SYNPR: variants seen among roughly 807,000 people sequenced by gnomAD.
SYNPR encodes the protein synaptoporin.
SYNPR carries 23 observed loss-of-function variants against 32.9 expected under a neutral mutation model. That is an observed-to-expected ratio of 0.70 (90% CI 0.50 to 0.99). The LOEUF (loss-of-function observed/expected upper bound fraction) is 0.99, where lower values mean the gene tolerates loss of function less well. SYNPR is among the 50% of genes least tolerant of loss of function. SYNPR has a pLI of 0.00. For synonymous variants in SYNPR, 146 were observed against 135.9 expected, an observed-to-expected ratio of 1.07 and a Z score of -0.52; for missense variants, 318 against 349.3, an observed-to-expected ratio of 0.91 and a Z score of 0.71.
At chr3:63,538,083 G>A (rs773088874) in intron 3 of SYNPR, among the ~76,000 whole-genome samples, 1 of 152,002 alleles carries the variant, frequency 6.6e-6, no homozygotes, top group Non-Finnish European at 1.5e-5. Flanking sequence ...AGCACACTGT[G>A]GTTTGAAACA....
chr3:63,418,619 G>A (rs1021815731), intron 2 of SYNPR, among the ~76,000 whole-genome samples: 15 of 152,142 alleles, frequency 9.9e-5, no homozygotes, highest in African/African-American at 2.9e-4. Flanking sequence ...TGGGGAGGCC[G>A]CACAACTATG....
At chr3:63,588,610 G>A (rs1205279706) in intron 4 of SYNPR, among the ~76,000 whole-genome samples, 1 of 151,962 alleles carries the variant, frequency 6.6e-6, no homozygotes, top group Admixed American at 6.6e-5. Flanking sequence ...ATTCACTTTT[G>A]ACTAACTATA....
intron 1 of SYNPR, among the ~76,000 whole-genome samples, chr3:63,242,343 G>C (rs955556765): frequency 1.3e-5 from 2 of 151,928 alleles, no homozygotes; most frequent in Admixed American, 6.6e-5. Flanking sequence ...ATTTATACAG[G>C]GAACTAGAGC....
chr3:63,333,774 A>C (rs1173328668), intron 2 of SYNPR, among the ~76,000 whole-genome samples: 3 of 152,160 alleles, frequency 2.0e-5, no homozygotes, highest in Non-Finnish European at 4.4e-5. Flanking sequence ...CACCAGTCCA[A>C]AGAGTTTTAA....
In SYNPR at chr3:63,518,768, A is replaced by G. The variant is rs115115615; in HGVS notation, c.210-37775A>G. Among the ~76,000 whole-genome samples, 1,119 of 152,252 alleles carry G rather than the reference A, an allele frequency of 7.3e-3. 12 individuals are homozygous for G. The highest frequency in any genetic ancestry group is 0.026 in the African/African-American group (1,079 of 41,546). On this transcript the variant is annotated intron_variant, in intron 3 of 5. Transcript: ENST00000478300. ...TGGAGAAGGAATTATTATTATTATTACCATCAGATAGTGAAATTCAGGGGG... is the reference window on the plus strand; with the variant it reads ...TGGAGAAGGAATTATTATTATTATTGCCATCAGATAGTGAAATTCAGGGGG...
intron 5 of SYNPR, among the ~76,000 whole-genome samples, chr3:63,610,988 T>C (rs1700189039): frequency 6.6e-6 from 1 of 152,242 alleles, no homozygotes; most frequent in African/African-American, 2.4e-5. Context: ...TGTATCCATA[T>C]CAGTTAACAG....
intron 2 of SYNPR, among the ~76,000 whole-genome samples, chr3:63,365,698 T>C (rs138648000): frequency 1.3e-5 from 2 of 152,210 alleles, no homozygotes; most frequent in South Asian, 4.1e-4. Context: ...AAAAGAATGT[T>C]ATCCAGGGCA....
chr3:63,418,352 T>G (rs887716869), intron 2 of SYNPR, among the ~76,000 whole-genome samples: 2 of 152,204 alleles, frequency 1.3e-5, no homozygotes, highest in African/African-American at 4.8e-5. Context: ...TCAAAGCCAT[T>G]CAACAAGTCT....
intron 2 of SYNPR, among the ~76,000 whole-genome samples, chr3:63,265,992 A>G (rs2086482674): frequency 6.6e-6 from 1 of 152,212 alleles, no homozygotes; most frequent in African/African-American, 2.4e-5. Context: ...GAAGAGTATT[A>G]AACATCATCT....
intron 4 of SYNPR, among the ~76,000 whole-genome samples, chr3:63,595,718 TATATATATATATATATATATATATATATA>T (rs1699923181): frequency 1.2e-4 from 1 of 8,058 alleles, no homozygotes; most frequent in African/African-American, 1.6e-4. Context: ...AATCTTATTT[TATATATATATATATATATATATATATATA>T]TATATATATA....
chr3:63,483,811 T>C (rs771311978), intron 3 of SYNPR, among the ~76,000 whole-genome samples: 1 of 152,124 alleles, frequency 6.6e-6, no homozygotes. Flanking sequence ...AAGTAGGAGA[T>C]TATAAAAGCA....
At chr3:63,527,626 G>A (rs1021035220) in intron 3 of SYNPR, among the ~76,000 whole-genome samples, 14 of 152,114 alleles carry the variant, frequency 9.2e-5, no homozygotes, top group African/African-American at 2.9e-4. Flanking sequence ...GCAAAAAGGC[G>A]CTTTCCCTCT....
intron 3 of SYNPR, among the ~76,000 whole-genome samples, chr3:63,271,446 C>G (rs2086534958): frequency 6.6e-6 from 1 of 152,090 alleles, no homozygotes; most frequent in Non-Finnish European, 1.5e-5. Context: ...TCTTTTACCT[C>G]ATTCAGAGCA....
At chr3:63,381,478 C>G (rs1463777468) in intron 2 of SYNPR, among the ~76,000 whole-genome samples, 1 of 152,162 alleles carries the variant, frequency 6.6e-6, no homozygotes, top group Admixed American at 6.5e-5. Flanking sequence ...GCCATACTGC[C>G]CAAGGTAATT....
chr3:63,361,170 G>T (rs1434119960), intron 2 of SYNPR, among the ~76,000 whole-genome samples: 2 of 152,150 alleles, frequency 1.3e-5, no homozygotes, highest in East Asian at 1.9e-4. Flanking sequence ...CCTATGCTGG[G>T]TTATATGCCC....
chr3:63,281,281 T>C (rs1196355198), intron 2 of SYNPR, among the ~76,000 whole-genome samples: 1 of 152,190 alleles, frequency 6.6e-6, no homozygotes, highest in Non-Finnish European at 1.5e-5. Context: ...ATATCCCAGT[T>C]TATCCTGTTT....
At chr3:63,546,072 A>G (rs1275739779) in intron 3 of SYNPR, among the ~76,000 whole-genome samples, 3 of 152,156 alleles carry the variant, frequency 2.0e-5, no homozygotes, top group Non-Finnish European at 4.4e-5. Context: ...CAGGGAAAGC[A>G]AACGAGAGAA....
chr3:63,291,107 T>C (rs1043410895), intron 2 of SYNPR, among the ~76,000 whole-genome samples: 2 of 152,206 alleles, frequency 1.3e-5, no homozygotes, highest in Admixed American at 6.5e-5. Flanking sequence ...TGATTTAGAA[T>C]GTACTGGATT....
chr3:63,204,071 C>A, the SYNPR span, among the ~76,000 whole-genome samples: 2 of 152,142 alleles, frequency 1.3e-5, no homozygotes, highest in African/African-American at 4.8e-5. Context: ...ATAAGATCAT[C>A]AAGACCTTGT....
Sources: gnomAD v4.1 joint callset for allele counts (sites outside exome capture counted in the v4.1 genomes callset) on GRCh38, gnomAD v4.1.1 for gene constraint, MANE v1.5 for transcripts, NCBI Gene and HGNC (gene_info 2026-07-23, HGNC 2026-07-21) for gene names.